KIAA1755: variants seen among roughly 807,000 people sequenced by gnomAD.
The protein encoded by KIAA1755 is KIAA1755, also known as uncharacterized protein KIAA1755.
Under a neutral mutation model 91.7 loss-of-function variants are expected in KIAA1755, and 68 were observed. That is an observed-to-expected ratio of 0.74 (90% CI 0.61 to 0.91). KIAA1755 has a LOEUF of 0.91. Among genes scored for constraint, KIAA1755 ranks in the 40% least tolerant of loss-of-function variants. The probability of loss-of-function intolerance (pLI) is 0.00; values close to 1 mark genes in which losing one functional copy is unlikely to be tolerated. For synonymous variants in KIAA1755, 610 were observed against 604.6 expected (o/e 1.01, Z -0.13); for missense variants, 1,535 against 1,494.4 (o/e 1.03, Z -0.45).
At position 38,227,472 on chromosome 20, in the gene KIAA1755, C is replaced by G. The variant is rs750368999; in HGVS notation, c.1966-232G>C. 7.2e-5 allele frequency among the ~76,000 whole-genome samples: 11 copies of G among 152,238 alleles called. 1 individual carries two copies. The highest frequency in any genetic ancestry group is 1.6e-4 in the Non-Finnish European group (11 of 68,044). The stretch of plus-strand genomic sequence containing the variant: ...GTTGCAAATCTTTCCAGATGACCTG[C>G]CCCTCTGGGCCCCAGTTTGCCCATC... On this transcript the variant is annotated intron_variant, in intron 6 of 13. Transcript: ENST00000279024.
At chr20:38,232,357 TG>T (rs1287423940) in intron 4 of KIAA1755, among the ~76,000 whole-genome samples, 1 of 152,200 alleles carries the variant, frequency 6.6e-6, no homozygotes, top group Non-Finnish European at 1.5e-5. Context: ...CTGGGCACGG[TG>T]GCTCACGCCT....
Position 38,222,458 on chromosome 20 carries a change from G to A in KIAA1755, c.2408C>T (p.Pro803Leu). ...GCCTGGACGTCTGTACCTGACATCA[G>A]GGCTGAAGTCCAGCCTGCTGGCATC... Reference protein sequence around the residue: ...QHDASRLDFSPDVRSHLAAAT... With the variant: ...QHDASRLDFSLDVRSHLAAAT... The change falls in exon 10 of 14, where the codon CCT (proline) becomes CTT (leucine). Residue 803 changes from proline to leucine, a missense_variant. By Grantham distance (98) the Pro-to-Leu change is moderately conservative (BLOSUM62 -3). Coordinates refer to ENST00000279024, the MANE Select transcript of KIAA1755 (RefSeq NM_001029864.2). 1 of 1,613,046 alleles carries A rather than the reference G, an allele frequency of 6.2e-7. No individual in the cohort carries two copies.
intron 5 of KIAA1755, among the ~76,000 whole-genome samples, chr20:38,230,275 T>C (rs1248724257): frequency 4.6e-5 from 7 of 152,226 alleles, no homozygotes; most frequent in Non-Finnish European, 7.3e-5. Flanking sequence ...TCTTTCACTC[T>C]CTCATTCATT....
At chr20:38,228,363 G>C in intron 5 of KIAA1755, 123 bp from the exon 6 acceptor site, 1 of 658,036 alleles carries the variant, frequency 1.5e-6, no homozygotes, top group Non-Finnish European at 2.4e-6. Flanking sequence ...TCTTCATCCT[G>C]TTAAGACCAA....
intron 10 of KIAA1755, among the ~76,000 whole-genome samples, chr20:38,220,504 A>C (rs2075638552): frequency 6.6e-6 from 1 of 151,994 alleles, no homozygotes; most frequent in Non-Finnish European, 1.5e-5. Flanking sequence ...TAGTAGAGAC[A>C]GGGTTTCACA....
intron 8 of KIAA1755, among the ~76,000 whole-genome samples, chr20:38,225,345 G>C (rs529321314): frequency 1.3e-5 from 2 of 152,048 alleles, no homozygotes; most frequent in Non-Finnish European, 2.9e-5. Context: ...CTCTTTACCC[G>C]TATTAACTAA....
At chr20:38,242,626 C>T (rs957336275) in intron 2 of KIAA1755, among the ~76,000 whole-genome samples, 7 of 152,144 alleles carry the variant, frequency 4.6e-5, no homozygotes, top group Non-Finnish European at 1.0e-4. Context: ...TAACACAATG[C>T]CTATTTTATA....
chr20:38,234,615 C>G (rs1216517999), intron 4 of KIAA1755, among the ~76,000 whole-genome samples: 2 of 152,182 alleles, frequency 1.3e-5, no homozygotes, highest in Non-Finnish European at 2.9e-5. Context: ...TGCCTCTCCC[C>G]CTAGCTCCAA....
intron 10 of KIAA1755, among the ~76,000 whole-genome samples, chr20:38,222,240 G>A (rs2075671738): frequency 6.6e-6 from 1 of 152,242 alleles, no homozygotes; most frequent in Non-Finnish European, 1.5e-5. Context: ...GCTGAAGGAG[G>A]GAAAGCAGAG....
intron 2 of KIAA1755, among the ~76,000 whole-genome samples, chr20:38,244,928 A>T (rs2076129487): frequency 6.6e-6 from 1 of 152,132 alleles, no homozygotes; most frequent in Admixed American, 6.5e-5. Context: ...GGGTTTCACC[A>T]TGTTGGCCAG....
chr20:38,232,587 C>T (rs910605348), intron 4 of KIAA1755, among the ~76,000 whole-genome samples: 22 of 149,946 alleles, frequency 1.5e-4, no homozygotes, highest in Non-Finnish European at 3.2e-4. Context: ...GAGATCTCGC[C>T]ACTGCACTCC....
chr20:38,222,813 G>A, intron 9 of KIAA1755: 1 of 618,170 alleles, frequency 1.6e-6, no homozygotes, highest in Non-Finnish European at 2.9e-6. Context: ...CTCTTGCTGG[G>A]ACACCCATTC....
intron 2 of KIAA1755, 31 bp from the exon 3 acceptor site, chr20:38,241,960 C>A: frequency 1.3e-6 from 2 of 1,588,256 alleles, no homozygotes; most frequent in South Asian, 1.1e-5. Flanking sequence ...CATCAGAGAA[C>A]CTGGCCCTGA....
rs147347811 is a variant in KIAA1755, at chr20:38,241,318, G to A, written c.813C>T (p.Phe271=). The change falls in exon 3 of 14, where the codon TTC becomes TTT. Residue 271 remains phenylalanine, a synonymous_variant. Transcript: ENST00000279024. ...FRMDEVVSQD[F]EGDYVALLGF... ...CTAGGAGAGCCACATAGTCTCCCTC[G>A]AAGTCCTGGCTGACCACCTCGTCCA... 8.4e-5 allele frequency: 136 copies of A among 1,614,126 alleles called. No homozygotes were observed. The highest frequency in any genetic ancestry group is 4.0e-4 in the Admixed American group (24 of 60,020).
At chr20:38,227,106 G>C (rs147816141) in intron 7 of KIAA1755, 48 bp downstream of exon 7, 1 of 1,437,346 alleles carries the variant, frequency 7.0e-7, no homozygotes, top group African/African-American at 1.4e-5. Context: ...AGCTCAGCTC[G>C]AGCCCAACAA....
At chr20:38,246,509 C>T (rs903928434) in intron 1 of KIAA1755, among the ~76,000 whole-genome samples, 2 of 152,068 alleles carry the variant, frequency 1.3e-5, no homozygotes, top group Non-Finnish European at 2.9e-5. Flanking sequence ...TTTGGCATTG[C>T]CCCAGTCTGA....
intron 3 of KIAA1755, among the ~76,000 whole-genome samples, 185 bp from the exon 4 acceptor site, chr20:38,239,910 C>A (rs2076025027): frequency 6.6e-6 from 1 of 151,766 alleles, no homozygotes; most frequent in Non-Finnish European, 1.5e-5. Context: ...ACTTTTTTTT[C>A]TTTAGTGACA....
At chr20:38,239,439 C>G in intron 4 of KIAA1755, 89 bp downstream of exon 4, 2 of 1,213,676 alleles carry the variant, frequency 1.6e-6, no homozygotes, top group Non-Finnish European at 2.4e-6. Flanking sequence ...CCAGGGCATT[C>G]CCTGCCTCCC....
intron 7 of KIAA1755, among the ~76,000 whole-genome samples, chr20:38,226,243 A>G (rs7274644): frequency 0.069 from 10,551 of 152,256 alleles, 650 homozygotes; most frequent in African/African-American, 0.16. Context: ...GTCCTCTAAG[A>G]CATGGAAGAA....
Sources: allele counts gnomAD v4.1 joint callset (sites outside exome capture counted in the v4.1 genomes callset), GRCh38; gene constraint gnomAD v4.1.1; transcripts MANE v1.5; gene names NCBI Gene and HGNC (gene_info 2026-07-23, HGNC 2026-07-21).